Variants in CRTAC1 observed in about 807,000 individuals in gnomAD.
CRTAC1 encodes the protein acidic secreted protein in cartilage.
Under a neutral mutation model 67.8 loss-of-function variants are expected in CRTAC1, and 37 were observed. That is an observed-to-expected ratio of 0.55 (90% CI 0.42 to 0.72). The LOEUF (loss-of-function observed/expected upper bound fraction) is 0.72. CRTAC1 is among the 30% of genes least tolerant of loss of function. CRTAC1 has a pLI of 0.00. For synonymous variants in CRTAC1, 348 were observed against 371.0 expected (o/e 0.94, Z 0.71); for missense variants, 780 against 931.6 (o/e 0.84, Z 2.12).
chr10:97,985,971 A>T (rs1331804551), intron 2 of CRTAC1, among the ~76,000 whole-genome samples: 1 of 152,196 alleles, frequency 6.6e-6, no homozygotes, highest in Admixed American at 6.5e-5. Context: ...TTGAGAAGTT[A>T]TTCCAAGCCA....
chr10:97,921,619 T>C (rs1590210400), intron 4 of CRTAC1, among the ~76,000 whole-genome samples: 1 of 152,198 alleles, frequency 6.6e-6, no homozygotes, highest in Non-Finnish European at 1.5e-5. Flanking sequence ...GTGTTGGCTG[T>C]TACTGTTGTC....
intron 2 of CRTAC1, among the ~76,000 whole-genome samples, chr10:97,950,070 T>C (rs2051326701): frequency 6.6e-6 from 1 of 152,230 alleles, no homozygotes; most frequent in Non-Finnish European, 1.5e-5. Context: ...TATATTTTAT[T>C]CTTCTAGCCC....
chr10:97,884,649 T>G (rs773289899), intron 11 of CRTAC1: 19 of 333,326 alleles, frequency 5.7e-5, no homozygotes, highest in Middle Eastern at 8.1e-4. Context: ...ATTGAAGAGG[T>G]GAATTTTCAA....
At chr10:97,906,799 C>A (rs1047697460) in intron 6 of CRTAC1, among the ~76,000 whole-genome samples, 1 of 152,088 alleles carries the variant, frequency 6.6e-6, no homozygotes, top group Non-Finnish European at 1.5e-5. Flanking sequence ...TAAGTCCCCA[C>A]AGTGGAGCTC....
At chr10:97,965,958 G>C (rs2051608510) in intron 2 of CRTAC1, among the ~76,000 whole-genome samples, 1 of 152,222 alleles carries the variant, frequency 6.6e-6, no homozygotes. Context: ...CAGGGGAGAG[G>C]TGATTGTGAT....
rs796789174 is a variant in CRTAC1 at position 97,943,064 on chromosome 10, C to A, written c.225-6698G>T. 3.6e-4 allele frequency among the ~76,000 whole-genome samples: 54 copies of A among 151,248 alleles called. 1 individual carries two copies. Among genetic ancestry groups the A allele is most frequent in the African/African-American group, 1.2e-3 (50 of 41,096 alleles). On this transcript the variant is annotated intron_variant, in intron 2 of 14. Coordinates refer to ENST00000370597, the MANE Select transcript of CRTAC1 (RefSeq NM_018058.7). ...TCCAGCCTGGGCAACAGAGCAAGAC[C>A]CTGTCTTCAAAAAAAAAAAGTGAAA...
chr10:98,018,198 G>A (rs1293154690), intron 1 of CRTAC1, among the ~76,000 whole-genome samples: 1 of 28,600 alleles, frequency 3.5e-5, no homozygotes, highest in East Asian at 1.7e-3. Context: ...CAAGATGCCC[G>A]CAAAAAAAAA....
intron 11 of CRTAC1, among the ~76,000 whole-genome samples, chr10:97,889,925 C>A (rs948258976): frequency 2.0e-5 from 3 of 152,142 alleles, no homozygotes; most frequent in Non-Finnish European, 2.9e-5. Context: ...TTGACATTCC[C>A]GCTTCTCACC....
intron 2 of CRTAC1, among the ~76,000 whole-genome samples, chr10:97,964,543 A>G (rs1001691084): frequency 2.2e-4 from 34 of 152,224 alleles, no homozygotes; most frequent in Non-Finnish European, 4.6e-4. Flanking sequence ...CAGATGTGGC[A>G]CCAGCTGTTG....
chr10:97,923,192 C>T lies in CRTAC1; in HGVS notation c.558+72G>A. 9.5e-6 allele frequency: 15 copies of T among 1,583,206 alleles called. 1 individual carries two copies. In the South Asian group the frequency reaches 1.2e-4, roughly 13 times the overall value. ...CGGGAGACGCCACTCTGTCAGGGGA[C>T]GTCTACACAGTGGCTCCTCTCCTGG... On this transcript the variant is annotated intron_variant, in intron 4 of 14. Transcript: ENST00000370597.
chr10:97,926,688 T>G lies in CRTAC1; in HGVS notation c.422-3288A>C, dbSNP rs572571236. ...AAATAAAGCCTATAAATAGCTCAGATTAGCCCAGGACAGGTTTTGCTATCA... is the reference window on the plus strand; with the variant it reads ...AAATAAAGCCTATAAATAGCTCAGAGTAGCCCAGGACAGGTTTTGCTATCA... On this transcript the variant is annotated intron_variant, in intron 3 of 14. Transcript: ENST00000370597. Among the ~76,000 whole-genome samples the G allele has an allele frequency of 2.6e-5, 4 of 152,346 alleles. No individual in the cohort carries two copies. The East Asian group carries it at 7.7e-4, about 29-fold the overall frequency.
In CRTAC1 at chr10:97,932,927, T is replaced by G. The variant is rs140560535; in HGVS notation, c.421+3243A>C. On this transcript the variant is annotated intron_variant, in intron 3 of 14. Transcript: ENST00000370597. ...TTTGTACAAAATGACTCCCACAGGA[T>G]GTTGTTGGGATGCAGGGTGCTTGCC... Among the ~76,000 whole-genome samples the G allele has an allele frequency of 2.0e-5, 3 of 152,286 alleles. No individual in the cohort carries two copies. In the East Asian group the frequency reaches 5.8e-4, roughly 29 times the overall value.
At chr10:97,878,484 G>T in intron 14 of CRTAC1, 1 of 681,354 alleles carries the variant, frequency 1.5e-6, no homozygotes. Flanking sequence ...TAAAAGGGTT[G>T]CTGCATTCTT....
intron 12 of CRTAC1, 80 bp downstream of exon 12, chr10:97,884,126 C>T: frequency 6.7e-7 from 1 of 1,486,178 alleles, no homozygotes. Flanking sequence ...TTTGCAGATT[C>T]CTGGGAACCC....
chr10:97,880,242 C>T lies in CRTAC1; in HGVS notation c.1819+7G>A, dbSNP rs1486300253. The T allele has an allele frequency of 1.2e-6, 2 of 1,613,828 alleles. No homozygotes were observed. The highest frequency in any genetic ancestry group is 3.3e-5 in the Admixed American group (2 of 60,012). ...TGCTACTGGCCTATGGCTGGGGCCCCACTCACCCACGCAGGCTGTGCCATC... is the reference window on the plus strand; with the variant it reads ...TGCTACTGGCCTATGGCTGGGGCCCTACTCACCCACGCAGGCTGTGCCATC... On this transcript the variant is annotated splice_region_variant and intron_variant, in intron 14 of 14. Transcript: ENST00000370597.
intron 13 of CRTAC1, 106 bp downstream of exon 13, chr10:97,882,680 C>A: frequency 8.2e-7 from 1 of 1,222,838 alleles, no homozygotes; most frequent in Non-Finnish European, 1.2e-6. Flanking sequence ...CCCTGTCCTC[C>A]TTTCTGCCCC....
At chr10:97,978,018 G>T (rs1020402427) in intron 2 of CRTAC1, among the ~76,000 whole-genome samples, 27 of 152,126 alleles carry the variant, frequency 1.8e-4, no homozygotes, top group African/African-American at 6.3e-4. Flanking sequence ...CTGGACTGCT[G>T]GGTGGAGTGC....
chr10:97,905,016 C>T (rs2050591932), intron 6 of CRTAC1, among the ~76,000 whole-genome samples: 1 of 152,094 alleles, frequency 6.6e-6, no homozygotes, highest in Non-Finnish European at 1.5e-5. Flanking sequence ...GAAAAGAAGA[C>T]CCAAGACTTG....
At chr10:97,915,030 C>T (rs2050739481) in intron 5 of CRTAC1, among the ~76,000 whole-genome samples, 1 of 152,118 alleles carries the variant, frequency 6.6e-6, no homozygotes, top group Admixed American at 6.5e-5. Flanking sequence ...AGGCCGGTAC[C>T]TGGATAGCAC....
Sources: gnomAD v4.1 joint callset for allele counts (sites outside exome capture counted in the v4.1 genomes callset) on GRCh38, gnomAD v4.1.1 for gene constraint, MANE v1.5 for transcripts, NCBI Gene and HGNC (gene_info 2026-07-23, HGNC 2026-07-21) for gene names.